The following KLK10 variants were observed in gnomAD, a reference collection of about 807,000 sequenced individuals.
The protein encoded by KLK10 is kallikrein related peptidase 10.
Under a neutral mutation model 25.7 loss-of-function variants are expected in KLK10, and 27 were observed. The ratio of observed to expected loss-of-function variants is 1.05; its 90% CI spans 0.77 to 1.45. The LOEUF (loss-of-function observed/expected upper bound fraction) is 1.45, where lower values mean the gene tolerates loss of function less well. Ranked by LOEUF, KLK10 falls within the 40% of genes most tolerant of loss-of-function variation. The probability of loss-of-function intolerance (pLI) is 0.00; values close to 1 mark genes in which losing one functional copy is unlikely to be tolerated. For synonymous variants in KLK10, 173 were observed against 160.1 expected (o/e 1.08, Z -0.61); for missense variants, 386 against 370.0 (o/e 1.04, Z -0.35).
rs2091287965 is a variant in KLK10 at position 51,013,519 on chromosome 19, G to C, written c.*1281C>G. 1 of 152,526 alleles carries C rather than the reference G, an allele frequency of 6.6e-6. No individual in the cohort carries two copies. Among genetic ancestry groups the C allele is most frequent in the Admixed American group, 6.5e-5 (1 of 15,270 alleles). The allele number at this position is 152,526 out of a possible 1,614,324, so 9.4% of individuals were successfully genotyped here. A position where few individuals can be genotyped will look rare whatever the true frequency, so the allele number is the denominator to read the frequency against. On this transcript the variant is annotated 3_prime_UTR_variant, in exon 6 of 6. Coordinates refer to ENST00000358789, the MANE Select transcript of KLK10 (RefSeq NM_145888.3). The stretch of plus-strand genomic sequence containing the variant: ...GGCTCACTGCAACCTCTGCCCCCCG[G>C]GTTCAAGTGATTCTTCTGCCTCAGC...
intron 5 of KLK10, 34 bp downstream of exon 5, chr19:51,015,383 C>A (rs372662663): frequency 6.2e-7 from 1 of 1,601,428 alleles, no homozygotes; most frequent in African/African-American, 1.3e-5. Context: ...TCCTCCCTCC[C>A]AGGAGTCAGA....
chr19:51,016,271 G>C, intron 3 of KLK10, 115 bp from the exon 4 acceptor site: 2 of 1,209,774 alleles, frequency 1.7e-6, no homozygotes, highest in Non-Finnish European at 2.2e-6. Context: ...GGCCTTGTGG[G>C]AGAAGGGGAC....
rs752747692 is a variant in KLK10 at position 51,016,158 on chromosome 19, T to C, written c.270-2A>G. 5 of 1,574,742 alleles carry C rather than the reference T, an allele frequency of 3.2e-6. No homozygotes were observed. The East Asian group carries it at 9.2e-5, about 29-fold the overall frequency. On this transcript the variant is annotated splice_acceptor_variant, in intron 3 of 5. Transcript: ENST00000358789. LOFTEE classifies it high-confidence loss of function. ...TCCCCTACTCGAGCCCACAGTGGCCTGGGGGAAGGAAGAGGCATGTGAAGG... is the reference window on the plus strand; with the variant it reads ...TCCCCTACTCGAGCCCACAGTGGCCCGGGGGAAGGAAGAGGCATGTGAAGG...
In KLK10 at chr19:51,014,815, G is replaced by T; in HGVS notation, c.816C>A (p.Val272=). The change falls in exon 6 of 6, where the codon GTC becomes GTA. Residue 272 remains valine, a synonymous_variant. Coordinates refer to ENST00000358789, the MANE Select transcript of KLK10 (RefSeq NM_145888.3). Reference sequence around the variant, plus strand: ...AGCATCTGGATCAGTTGGAGCGTATGACTTTATTGATCCAGGACATGTATT... The same window carrying T: ...AGCATCTGGATCAGTTGGAGCGTATTACTTTATTGATCCAGGACATGTATT... ...ICKYMSWINK[V]IRSN is the part of the protein sequence containing the mutation. The T allele has an allele frequency of 6.2e-7, 1 of 1,614,030 alleles. No individual in the cohort carries two copies. The highest frequency in any genetic ancestry group is 8.5e-7 in the Non-Finnish European group (1 of 1,179,956).
At chr19:51,018,916 G>GGA (rs1397409756) in intron 2 of KLK10, 127 bp downstream of exon 2, 6 of 727,680 alleles carry the variant, frequency 8.2e-6, no homozygotes, top group African/African-American at 1.8e-5. Flanking sequence ...GCCGTGCTCC[G>GGA]GAGCGCTGGG....
intron 2 of KLK10, 48 bp from the exon 3 acceptor site, chr19:51,017,338 G>T: frequency 6.5e-7 from 1 of 1,533,434 alleles, no homozygotes. Flanking sequence ...GCAGGGTCTG[G>T]GTTTGGGGTT....
Position 51,017,197 on chromosome 19 carries a change from A to C in KLK10, c.182T>G (p.Val61Gly), listed in dbSNP as rs1600140732. ...GAACGAGAGGCCGTTGAAGAGCGAG[A>C]CCTGCCAGGGCTGCGAGCCGCGCGC... ...PCARGSQPWQ[V>G]SLFNGLSFHC... Residue 61 changes from valine to glycine, a missense_variant, in exon 3 of 6, where the codon GTC becomes GGC. By Grantham distance (109) the Val-to-Gly change is moderately radical. Coordinates refer to ENST00000358789, the MANE Select transcript of KLK10 (RefSeq NM_145888.3). 1 of 1,612,144 alleles carries C rather than the reference A, an allele frequency of 6.2e-7. No homozygotes were observed. The highest frequency in any genetic ancestry group is 8.5e-7 in the Non-Finnish European group (1 of 1,179,638).
At chr19:51,019,794 C>T (rs1253352961), upstream of KLK10, 1 of 152,248 alleles carries the variant, frequency 6.6e-6, no homozygotes, top group East Asian at 1.9e-4. This position sits in a 1 kb window ranked among gnomAD's most constrained non-coding sequence, Gnocchi z 4.2. Context: ...CCCGGGCTCC[C>T]TCCCTTTCCC....
intron 2 of KLK10, 105 bp downstream of exon 2, chr19:51,018,938 G>A (rs2091372485): frequency 1.2e-6 from 1 of 861,818 alleles, no homozygotes; most frequent in Non-Finnish European, 1.8e-6. Context: ...GGGTGCTGGG[G>A]TCTCGGGGGA....
rs2091341968 is a variant in KLK10, at chr19:51,017,253, G to A, written c.126C>T (p.Arg42=). ...EAALLPQNDT[R]LDPEAYGSPC... is the part of the protein sequence containing the mutation. ...GGGAGCCATAGGCTTCGGGGTCCAA[G>A]CGCGTGTCGTTTTGGGGGAGCAGCG... is the stretch of plus-strand genomic sequence containing the variant. The change falls in exon 3 of 6, where the codon CGC becomes CGT. Residue 42 remains arginine (R), a synonymous_variant. Coordinates refer to ENST00000358789, the MANE Select transcript of KLK10 (RefSeq NM_145888.3). The A allele has an allele frequency of 1.2e-6, 2 of 1,610,744 alleles. No individual in the cohort carries two copies. Among genetic ancestry groups the A allele is most frequent in the African/African-American group, 1.3e-5 (1 of 74,922 alleles).
chr19:51,018,730 A>T, intron 2 of KLK10: 2 of 423,922 alleles, frequency 4.7e-6, no homozygotes, highest in East Asian at 4.8e-5. Context: ...AAAACAAAAC[A>T]CGGTAGTGTA....
intron 2 of KLK10, among the ~76,000 whole-genome samples, chr19:51,018,191 G>GAAAAAAAAAA (rs2091358485): frequency 8.0e-5 from 6 of 74,570 alleles, no homozygotes; most frequent in Non-Finnish European, 1.1e-4. Context: ...AAAAAAGAAG[G>GAAAAAAAAAA]AAAGAAAAAG....
chr19:51,015,075 G>C (rs1167463260), intron 5 of KLK10, 123 bp from the exon 6 acceptor site: 1 of 843,570 alleles, frequency 1.2e-6, no homozygotes, highest in East Asian at 2.6e-5. Context: ...ATGGGATGGG[G>C]TTGGAATTAG....
chr19:51,015,601 G>A (rs1482315336), intron 4 of KLK10, 51 bp from the exon 5 acceptor site: 1 of 1,587,080 alleles, frequency 6.3e-7, no homozygotes, highest in African/African-American at 1.3e-5. Context: ...CAATCCTTGG[G>A]GAGCCAGGAG....
chr19:51,017,269 G>A lies in KLK10; in HGVS notation c.110C>T (p.Pro37Leu), dbSNP rs772161544. ...QLWAAEAALLPQNDTRLDPEA... is the reference protein window; with the variant it reads ...QLWAAEAALLLQNDTRLDPEA... The stretch of plus-strand genomic sequence containing the variant: ...GGGGTCCAAGCGCGTGTCGTTTTGG[G>A]GGAGCAGCGCCGCCTCTGCGGCTGG... The change falls in exon 3 of 6, where the codon CCC (proline) becomes CTC (leucine). Residue 37 changes from proline (P) to leucine (L), a missense_variant. Pro to Leu is a moderately conservative substitution (Grantham distance 98). Transcript: ENST00000358789. 24 of 1,608,344 alleles carry A rather than the reference G, an allele frequency of 1.5e-5. No homozygotes were observed. In the South Asian group the frequency reaches 2.4e-4, roughly 16 times the overall value.
At chr19:51,015,288 T>C in intron 5 of KLK10, 129 bp downstream of exon 5, 1 of 1,035,314 alleles carries the variant, frequency 9.7e-7, no homozygotes, top group Non-Finnish European at 1.4e-6. Context: ...GGGTTAGGTC[T>C]GGGTAAGAGT....
At position 51,015,466 on chromosome 19, in the gene KLK10, G is replaced by T; in HGVS notation, c.629C>A (p.Thr210Asn). 1 of 1,613,840 alleles carries T rather than the reference G, an allele frequency of 6.2e-7. No individual in the cohort carries two copies. Among genetic ancestry groups the T allele is most frequent in the Non-Finnish European group, 8.5e-7 (1 of 1,179,906 alleles). The stretch of plus-strand genomic sequence containing the variant: ...CAGTCCAGCACATATCATGTTGTTG[G>T]TGACCACGCCAGGGTAGAAGACCTC... ...ECEVFYPGVVTNNMICAGLDR... is the reference protein window; with the variant it reads ...ECEVFYPGVVNNNMICAGLDR... The change falls in exon 5 of 6, where the codon ACC (threonine) becomes AAC (asparagine). Residue 210 changes from threonine (T) to asparagine (N), a missense_variant. Transcript: ENST00000358789.
In KLK10 at chr19:51,019,067, G is replaced by A; in HGVS notation, c.64C>T (p.Pro22Ser). The A allele has an allele frequency of 6.2e-7, 1 of 1,606,186 alleles. No individual in the cohort carries two copies. Among genetic ancestry groups the A allele is most frequent in the Non-Finnish European group, 8.5e-7 (1 of 1,179,360 alleles). Reference sequence around the variant, plus strand: ...CCCCAGAGTTGCGCCATCAGCAGCGGCAGCAGCTTCGCCAGAGCCCGGGCG... The same window carrying A: ...CCCCAGAGTTGCGCCATCAGCAGCGACAGCAGCTTCGCCAGAGCCCGGGCG... ...SGARALAKLL[P>S]LLMAQLWAAE... The change falls in exon 2 of 6, where the codon CCG (proline) becomes TCG (serine). Residue 22 changes from proline (P) to serine (S), a missense_variant. Transcript: ENST00000358789. The surrounding 1 kb of genome is among the most constrained non-coding windows in gnomAD (Gnocchi z 4.2).
intron 4 of KLK10, 66 bp from the exon 5 acceptor site, chr19:51,015,616 G>A (rs1193562214): frequency 2.6e-6 from 4 of 1,546,986 alleles, no homozygotes; most frequent in Non-Finnish European, 3.6e-6. Flanking sequence ...CAGGAGTCCA[G>A]ATACAAGACC....
Sources: allele counts gnomAD v4.1 joint callset (sites outside exome capture counted in the v4.1 genomes callset), GRCh38; gene constraint gnomAD v4.1.1; non-coding constraint Gnocchi (gnomAD v3.1); transcripts MANE v1.5; gene names NCBI Gene and HGNC (gene_info 2026-07-23, HGNC 2026-07-21).